Variants in PTTG1IP2 observed in about 807,000 individuals in gnomAD.
PTTG1IP2 encodes the protein PTTG1IP family member 2.
At chr7:90,495,018 C>A (rs554401128) in intron 6 of PTTG1IP2, among the ~76,000 whole-genome samples, 5 of 152,078 alleles carry the variant, frequency 3.3e-5, no homozygotes, top group African/African-American at 1.2e-4. Flanking sequence ...TCAATCCTCC[C>A]CTCTGCCCAA....
At chr7:90,495,396 A>G (rs1423359607) in intron 6 of PTTG1IP2, among the ~76,000 whole-genome samples, 3 of 152,234 alleles carry the variant, frequency 2.0e-5, no homozygotes, top group Non-Finnish European at 4.4e-5. Flanking sequence ...CATCTATGGC[A>G]TGTCAAATGA....
chr7:90,509,772 T>A (rs555663395), intron 6 of PTTG1IP2, among the ~76,000 whole-genome samples: 1 of 152,206 alleles, frequency 6.6e-6, no homozygotes, highest in East Asian at 1.9e-4. Flanking sequence ...ACAGGGCAAG[T>A]GGGCTGGGAC....
chr7:90,474,261 A>G (rs559426733), intron 1 of PTTG1IP2, among the ~76,000 whole-genome samples: 1 of 152,360 alleles, frequency 6.6e-6, no homozygotes, highest in East Asian at 1.9e-4. Flanking sequence ...AATATACAGT[A>G]TTATAATCTG....
At chr7:90,479,157 G>A (rs1797786059) in intron 1 of PTTG1IP2, 71 bp from the exon 2 acceptor site, 2 of 152,524 alleles carry the variant, frequency 1.3e-5, no homozygotes, top group African/African-American at 4.8e-5. Context: ...TAAATGAAAT[G>A]CACTTTTATG....
chr7:90,470,973 A>G (rs892001191), intron 1 of PTTG1IP2, among the ~76,000 whole-genome samples: 20 of 151,820 alleles, frequency 1.3e-4, no homozygotes, highest in African/African-American at 3.9e-4. Flanking sequence ...CAAAAAAAAA[A>G]AAAAAAAGAA....
rs556662492 is a variant in PTTG1IP2 at position 90,481,761 on chromosome 7, C to A, written c.192+2487C>A. Among the ~76,000 whole-genome samples, 69 of 152,216 alleles carry A rather than the reference C, an allele frequency of 4.5e-4. 1 individual carries two copies. In the South Asian group the frequency reaches 0.014, roughly 31 times the overall value. ...TTTAAATTGTTTTTATGTTCACCTTCCCCTTGTTCTCAGCTCCTTAAGGAC... is the reference window on the plus strand; with the variant it reads ...TTTAAATTGTTTTTATGTTCACCTTACCCTTGTTCTCAGCTCCTTAAGGAC... On this transcript the variant is annotated intron_variant, in intron 2 of 6. Transcript: ENST00000509356.
chr7:90,498,491 A>AT (rs1249907767), intron 6 of PTTG1IP2, among the ~76,000 whole-genome samples: 1 of 152,176 alleles, frequency 6.6e-6, no homozygotes, highest in African/African-American at 2.4e-5. Context: ...TTCAACACAA[A>AT]TTGAAACCAA....
At chr7:90,491,565 GTGAGC>G (rs1188035679) in intron 4 of PTTG1IP2, among the ~76,000 whole-genome samples, 5 of 151,696 alleles carry the variant, frequency 3.3e-5, no homozygotes, top group Admixed American at 3.3e-4. Flanking sequence ...AGAGGTTGCA[GTGAGC>G]TGAGATCACA....
intron 1 of PTTG1IP2, chr7:90,470,326 G>A (rs1324482922): frequency 6.6e-6 from 1 of 151,898 alleles, no homozygotes; most frequent in African/African-American, 2.4e-5. Flanking sequence ...TGCTTTATTT[G>A]TTCTTTTTCA....
intron 6 of PTTG1IP2, among the ~76,000 whole-genome samples, chr7:90,498,727 A>C (rs1246054677): frequency 6.6e-6 from 1 of 152,246 alleles, no homozygotes; most frequent in Non-Finnish European, 1.5e-5. Flanking sequence ...CTATCTGGAT[A>C]ATAGTTTCCT....
At chr7:90,496,876 G>T (rs1210868311) in intron 6 of PTTG1IP2, among the ~76,000 whole-genome samples, 1 of 152,022 alleles carries the variant, frequency 6.6e-6, no homozygotes, top group Non-Finnish European at 1.5e-5. Flanking sequence ...ATAAATTTTA[G>T]TATATTGTGT....
At chr7:90,494,876 T>C (rs1797975632) in intron 6 of PTTG1IP2, among the ~76,000 whole-genome samples, 1 of 152,094 alleles carries the variant, frequency 6.6e-6, no homozygotes, top group South Asian at 2.1e-4. Context: ...TGGGCATGGT[T>C]GCATGTGCCT....
intron 5 of PTTG1IP2, among the ~76,000 whole-genome samples, chr7:90,492,741 C>A (rs1439575060): frequency 1.3e-5 from 2 of 152,146 alleles, no homozygotes. Flanking sequence ...CATAGCTTCC[C>A]CTGCTACCCC....
At chr7:90,496,516 GTCTC>G (rs1036449523) in intron 6 of PTTG1IP2, among the ~76,000 whole-genome samples, 6 of 151,684 alleles carry the variant, frequency 4.0e-5, no homozygotes, top group Admixed American at 1.3e-4. Flanking sequence ...TTTTATTTAA[GTCTC>G]TCTCTTTTTT....
At chr7:90,493,923 G>A (rs776141221) in intron 5 of PTTG1IP2, among the ~76,000 whole-genome samples, 1 of 152,150 alleles carries the variant, frequency 6.6e-6, no homozygotes, top group Non-Finnish European at 1.5e-5. Flanking sequence ...TTCTGATTGT[G>A]GAATAGGAAA....
intron 1 of PTTG1IP2, among the ~76,000 whole-genome samples, chr7:90,473,557 T>C (rs1797713930): frequency 6.6e-6 from 1 of 152,202 alleles, no homozygotes; most frequent in Non-Finnish European, 1.5e-5. Context: ...TGAACTTAGA[T>C]TGCAAGTTTA....
At chr7:90,505,189 A>G (rs538928007) in intron 6 of PTTG1IP2, among the ~76,000 whole-genome samples, 1 of 152,340 alleles carries the variant, frequency 6.6e-6, no homozygotes, top group South Asian at 2.1e-4. Flanking sequence ...TCTATGTGAT[A>G]ACTTTTAACC....
chr7:90,475,178 C>T (rs1335724602), intron 1 of PTTG1IP2, among the ~76,000 whole-genome samples: 2 of 152,206 alleles, frequency 1.3e-5, no homozygotes, highest in Non-Finnish European at 2.9e-5. Flanking sequence ...AGCTTATGAA[C>T]TTTTATGGCA....
At chr7:90,507,659 G>A (rs1279349842) in intron 6 of PTTG1IP2, among the ~76,000 whole-genome samples, 1 of 152,092 alleles carries the variant, frequency 6.6e-6, no homozygotes, top group East Asian at 1.9e-4. Context: ...TGCCCCAACA[G>A]TTTTTCACTG....
Sources: gnomAD v4.1 joint callset for allele counts (sites outside exome capture counted in the v4.1 genomes callset) on GRCh38, gnomAD v4.1.1 for gene constraint, MANE v1.5 for transcripts, NCBI Gene and HGNC (gene_info 2026-07-23, HGNC 2026-07-21) for gene names.